Variants in TWIST2 observed in about 807,000 individuals in gnomAD.
TWIST2 encodes the protein twist-related protein 2.
In TWIST2, 1 loss-of-function variant was observed where a neutral mutation model predicts 11.6. The observed-to-expected ratio is 0.09, with a 90% confidence interval of 0.03 to 0.41. The LOEUF is 0.41. Among genes scored for constraint, TWIST2 ranks in the 10% least tolerant of loss-of-function variants. TWIST2 has a pLI of 0.98. For missense variants in TWIST2, 168 were observed against 226.4 expected (o/e 0.74, Z 1.66); for synonymous variants, 87 against 96.6 (o/e 0.90, Z 0.58).
intron 1 of TWIST2, among the ~76,000 whole-genome samples, chr2:238,908,890 T>TGTGG: frequency 2.0e-5 from 1 of 49,716 alleles, no homozygotes; most frequent in Non-Finnish European, 4.4e-5. Flanking sequence ...TGGTGTGTGG[T>TGTGG]GGTGTATGTA....
Position 238,887,557 on chromosome 2 carries a change from T to C in TWIST2, c.*36-22285T>C, listed in dbSNP as rs576235125. ...GCTTTGGCACTGGAGGCAGACTTGG[T>C]GGTCCTCTGGAAAGTCGACTCTCTC... On this transcript the variant is annotated intron_variant, in intron 1 of 1. Transcript: ENST00000612363. Among the ~76,000 whole-genome samples, 3 of 152,326 alleles carry C rather than the reference T, an allele frequency of 2.0e-5. No homozygotes were observed. In the South Asian group the frequency reaches 6.2e-4, roughly 32 times the overall value.
chr2:238,857,277 C>T (rs958843118), intron 1 of TWIST2, among the ~76,000 whole-genome samples: 21 of 152,188 alleles, frequency 1.4e-4, no homozygotes, highest in African/African-American at 4.1e-4. Flanking sequence ...TGAGGCTGGA[C>T]GGGCCTTGGA....
intron 1 of TWIST2, among the ~76,000 whole-genome samples, chr2:238,898,036 C>T (rs1693225134): frequency 6.6e-6 from 1 of 152,204 alleles, no homozygotes; most frequent in South Asian, 2.1e-4. Context: ...TCTGGCCTGC[C>T]CCCAGGCCCT....
intron 1 of TWIST2, among the ~76,000 whole-genome samples, chr2:238,904,164 G>C (rs1471452025): frequency 3.6e-5 from 5 of 139,178 alleles, no homozygotes; most frequent in African/African-American, 1.3e-4. Context: ...TGTGGGGTGT[G>C]TGTGATGTGA....
chr2:238,898,287 G>A lies in TWIST2; in HGVS notation c.*36-11555G>A, dbSNP rs938378334. Among the ~76,000 whole-genome samples the A allele has an allele frequency of 6.5e-4, 99 of 152,354 alleles. 2 individuals are homozygous for A. The highest frequency in any genetic ancestry group is 2.1e-3 in the African/African-American group (88 of 41,588). ...TCTGAACAGGGCTGAGTTGTCACAG[G>A]AGATGAATGACAAGGCCGGATATGT... On this transcript the variant is annotated intron_variant, in intron 1 of 1. Coordinates refer to ENST00000612363, the MANE Select transcript of TWIST2 (RefSeq NM_001271893.4).
In TWIST2 at chr2:238,863,960, C is replaced by T. The variant is rs944901330; in HGVS notation, c.*35+15227C>T. On this transcript the variant is annotated intron_variant, in intron 1 of 1. Coordinates refer to ENST00000612363, the MANE Select transcript of TWIST2 (RefSeq NM_001271893.4). The surrounding 1 kb of genome is among the most constrained non-coding windows in gnomAD (Gnocchi z 4.7). The stretch of plus-strand genomic sequence containing the variant: ...TCCAGAACCTACAGGGAGGAAGCAC[C>T]AGGCGGCACCTCCCCAGAGGCTGGA... Among the ~76,000 whole-genome samples the T allele has an allele frequency of 2.0e-5, 3 of 152,180 alleles. No individual in the cohort carries two copies. Among genetic ancestry groups the T allele is most frequent in the Non-Finnish European group, 2.9e-5 (2 of 68,034 alleles).
chr2:238,892,913 G>A, intron 1 of TWIST2, among the ~76,000 whole-genome samples: 1 of 152,226 alleles, frequency 6.6e-6, no homozygotes, highest in Admixed American at 6.5e-5. Flanking sequence ...ACAGAGATCA[G>A]TTTTATTCAT....
At chr2:238,881,231 ATTAG>A (rs976776429) in intron 1 of TWIST2, among the ~76,000 whole-genome samples, 3 of 130,930 alleles carry the variant, frequency 2.3e-5, no homozygotes, top group African/African-American at 8.8e-5. Flanking sequence ...TAGTGTCAGT[ATTAG>A]TATTAGTGTT....
intron 1 of TWIST2, among the ~76,000 whole-genome samples, chr2:238,895,653 C>T (rs891857823): frequency 0.052 from 7,900 of 152,246 alleles, 384 homozygotes; most frequent in East Asian, 0.21. Flanking sequence ...GGACACTCAT[C>T]GTGGGGAAAC....
chr2:238,851,620 C>T (rs1030358925), intron 1 of TWIST2, among the ~76,000 whole-genome samples: 1 of 152,156 alleles, frequency 6.6e-6, no homozygotes, highest in East Asian at 1.9e-4. Context: ...AATTGCATGA[C>T]CCCTTCACCA....
intron 1 of TWIST2, among the ~76,000 whole-genome samples, chr2:238,880,764 C>T (rs1347060985): frequency 9.1e-6 from 1 of 110,034 alleles, no homozygotes; most frequent in African/African-American, 3.9e-5. Flanking sequence ...TTAATATTAG[C>T]ATTAGTGTCA....
intron 1 of TWIST2, among the ~76,000 whole-genome samples, chr2:238,903,426 G>GGT (rs2106374442): frequency 7.3e-6 from 1 of 136,824 alleles, no homozygotes; most frequent in Non-Finnish European, 1.6e-5. Context: ...TGTGATGTGG[G>GGT]ATGTGTGTGA....
chr2:238,899,210 TGG>T (rs1425809241), intron 1 of TWIST2, among the ~76,000 whole-genome samples: 90 of 152,380 alleles, frequency 5.9e-4, no homozygotes, highest in Admixed American at 2.0e-3. Flanking sequence ...CTTCAGCTGC[TGG>T]TTTCTCTCTG....
At chr2:238,881,868 T>C (rs1011501662) in intron 1 of TWIST2, among the ~76,000 whole-genome samples, 1 of 152,124 alleles carries the variant, frequency 6.6e-6, no homozygotes, top group Non-Finnish European at 1.5e-5. Flanking sequence ...GAGGAGAAGG[T>C]GCCACCTGCT....
intron 1 of TWIST2, among the ~76,000 whole-genome samples, chr2:238,890,375 C>A (rs2106369114): frequency 6.6e-6 from 1 of 152,356 alleles, no homozygotes; most frequent in East Asian, 1.9e-4. Context: ...AGTCCGGCAC[C>A]TCCCCATCAG....
rs1692462680 is a variant in TWIST2, at chr2:238,863,047, T to A, written c.*35+14314T>A. On this transcript the variant is annotated intron_variant, in intron 1 of 1. Transcript: ENST00000612363. This position sits in a 1 kb window ranked among gnomAD's most constrained non-coding sequence, Gnocchi z 4.7. ...CTTCCTTTCCTTCTTATGTTTTTTT[T>A]TTTTTAATTTCTAGATTTTCTACAG... 6.6e-6 allele frequency among the ~76,000 whole-genome samples: 1 copy of A among 150,576 alleles called. No individual in the cohort carries two copies. The highest frequency in any genetic ancestry group is 6.6e-5 in the Admixed American group (1 of 15,238).
intron 1 of TWIST2, among the ~76,000 whole-genome samples, chr2:238,882,214 C>T (rs1168928499): frequency 6.6e-6 from 1 of 152,172 alleles, no homozygotes; most frequent in East Asian, 1.9e-4. Context: ...TCCCTCCTCT[C>T]CCAGCAGCAG....
chr2:238,907,756 CAA>C (rs1297054988), intron 1 of TWIST2, among the ~76,000 whole-genome samples: 57,278 of 150,956 alleles, frequency 0.38, 11,049 homozygotes, highest in Middle Eastern at 0.49. Context: ...AACACACACA[CAA>C]AAACACACAA....
intron 1 of TWIST2, among the ~76,000 whole-genome samples, chr2:238,907,691 A>T (rs970441886): frequency 1.3e-5 from 2 of 150,960 alleles, no homozygotes; most frequent in South Asian, 2.1e-4. Flanking sequence ...TACACCACTC[A>T]CACACACACA....
Sources: allele counts gnomAD v4.1 joint callset (sites outside exome capture counted in the v4.1 genomes callset), GRCh38; gene constraint gnomAD v4.1.1; non-coding constraint Gnocchi (gnomAD v3.1); transcripts MANE v1.5; gene names NCBI Gene and HGNC (gene_info 2026-07-23, HGNC 2026-07-21).